NRXN1: variants seen among roughly 807,000 people sequenced by gnomAD.
NRXN1 encodes neurexin-1.
NRXN1 carries 39 observed loss-of-function variants against 150.9 expected under a neutral mutation model. The ratio of observed to expected loss-of-function variants is 0.26; its 90% CI spans 0.20 to 0.34. NRXN1 has a LOEUF of 0.34. NRXN1 is among the 10% of genes least tolerant of loss of function. The pLI, the probability that NRXN1 is intolerant of heterozygous loss-of-function variation, is 1.00. For synonymous variants in NRXN1, 924 were observed against 757.0 expected, an observed-to-expected ratio of 1.22 and a Z score of -3.62; for missense variants, 1,815 against 1,949.9, an observed-to-expected ratio of 0.93 and a Z score of 1.30.
intron 22 of NRXN1, among the ~76,000 whole-genome samples, chr2:49,926,924 C>A (rs548967633): frequency 6.6e-6 from 1 of 152,056 alleles, no homozygotes; most frequent in African/African-American, 2.4e-5. Flanking sequence ...CTTCTTGCAC[C>A]CTCTGTTGCT....
At position 49,920,110 on chromosome 2, in the gene NRXN1, T is replaced by C. The variant is rs1213678417; in HGVS notation, c.*1834A>G. ...TATTAGTAATTTATTGCTGTGAACA[T>C]CATTGAATAATATGCAAAACAAGTG... On this transcript the variant is annotated 3_prime_UTR_variant, in exon 23 of 23. Coordinates refer to ENST00000401669, the MANE Select transcript of NRXN1 (RefSeq NM_001330078.2). 6.6e-6 allele frequency: 1 copy of C among 152,190 alleles called. No individual in the cohort carries two copies. The highest frequency in any genetic ancestry group is 1.5e-5 in the Non-Finnish European group (1 of 68,024). 9.4% of individuals were successfully genotyped at this position (152,190 alleles called of 1,614,324 possible).
Position 50,208,897 on chromosome 2 carries a change from G to C in NRXN1, c.3546+27892C>G, listed in dbSNP as rs56107647. Among the ~76,000 whole-genome samples the C allele has an allele frequency of 5.6e-3, 855 of 152,214 alleles. 11 individuals carry two copies. Among genetic ancestry groups the C allele is most frequent in the African/African-American group, 0.02 (823 of 41,554 alleles). ...TTGTCTCTTTGAATAAGCTTTAATA[G>C]ATATTTCTCACACAAACTACATATA... On this transcript the variant is annotated intron_variant, in intron 18 of 22. Transcript: ENST00000401669.
chr2:50,368,519 T>C (rs189554469), intron 17 of NRXN1, among the ~76,000 whole-genome samples: 4 of 151,976 alleles, frequency 2.6e-5, no homozygotes, highest in African/African-American at 9.7e-5. Context: ...AGAGTAATAA[T>C]CATTTTTCTG....
chr2:50,177,810 T>TCC (rs2060448294), intron 18 of NRXN1, among the ~76,000 whole-genome samples: 1 of 139,658 alleles, frequency 7.2e-6, no homozygotes, highest in Non-Finnish European at 1.6e-5. Flanking sequence ...TCTCTCTCTC[T>TCC]CCTCCTCTCC....
intron 18 of NRXN1, among the ~76,000 whole-genome samples, chr2:50,129,216 T>C (rs1401191884): frequency 6.6e-6 from 1 of 152,000 alleles, no homozygotes; most frequent in Admixed American, 6.6e-5. Flanking sequence ...TTTTTTTAAG[T>C]ATAACTGATG....
intron 21 of NRXN1, among the ~76,000 whole-genome samples, chr2:49,971,475 A>ACTC (rs1351622657): frequency 6.6e-6 from 1 of 152,040 alleles, no homozygotes; most frequent in Non-Finnish European, 1.5e-5. Context: ...ACAGTTCAGG[A>ACTC]CTCTTGTAGT....
chr2:50,467,979 C>G (rs111475588), intron 16 of NRXN1, among the ~76,000 whole-genome samples: 1 of 151,354 alleles, frequency 6.6e-6, no homozygotes, highest in Non-Finnish European at 1.5e-5. Flanking sequence ...CATTAGAGAT[C>G]AAAAATAATT....
intron 5 of NRXN1, among the ~76,000 whole-genome samples, chr2:50,663,366 CT>C (rs1687583920): frequency 1.3e-5 from 2 of 151,942 alleles, no homozygotes; most frequent in Non-Finnish European, 1.5e-5. Flanking sequence ...CTCCTTTGTG[CT>C]TCTTAGACAT....
At chr2:50,463,559 T>A (rs930081252) in intron 17 of NRXN1, among the ~76,000 whole-genome samples, 1 of 151,882 alleles carries the variant, frequency 6.6e-6, no homozygotes, top group African/African-American at 2.4e-5. Flanking sequence ...AAATAACGAA[T>A]AGCCTTATCA....
intron 5 of NRXN1, among the ~76,000 whole-genome samples, chr2:50,718,858 C>T (rs528237314): frequency 6.6e-6 from 1 of 152,076 alleles, no homozygotes; most frequent in African/African-American, 2.4e-5. Flanking sequence ...CTCTCATCCT[C>T]CATCTCTTCT....
intron 5 of NRXN1, among the ~76,000 whole-genome samples, chr2:50,742,158 T>C (rs1030445655): frequency 5.9e-5 from 9 of 152,172 alleles, no homozygotes; most frequent in African/African-American, 9.6e-5. Flanking sequence ...GCTCAAGATA[T>C]AGTAAAATGA....
intron 5 of NRXN1, among the ~76,000 whole-genome samples, chr2:50,625,615 G>A (rs1226258699): frequency 6.6e-6 from 1 of 152,028 alleles, no homozygotes; most frequent in African/African-American, 2.4e-5. Flanking sequence ...ATGGCAAGTG[G>A]TTCAATATTG....
At position 51,026,297 on chromosome 2, in the gene NRXN1, C is replaced by T. The variant is rs371439014; in HGVS notation, c.772+1205G>A. On this transcript the variant is annotated intron_variant, in intron 2 of 22. Transcript: ENST00000401669. ...ATGTGTTGATTGCCTTGCTTTGACC[C>T]ATAAGCTATCTACTTTAAATCCTGA... The T allele has an allele frequency of 1.3e-5, 12 of 956,080 alleles. No homozygotes were observed. In the African/African-American group the frequency reaches 1.6e-4, roughly 13 times the overall value. 59.2% of individuals were successfully genotyped at this position (956,080 alleles called of 1,614,324 possible). A position where few individuals can be genotyped will look rare whatever the true frequency, so the allele number is the denominator to read the frequency against.
intron 2 of NRXN1, among the ~76,000 whole-genome samples, chr2:50,931,600 T>C (rs1399625365): frequency 6.6e-6 from 1 of 152,160 alleles, no homozygotes; most frequent in East Asian, 1.9e-4. Flanking sequence ...AACAAACAGC[T>C]TGGAAGGAAG....
At chr2:50,530,141 C>A (rs772681809) in intron 11 of NRXN1, among the ~76,000 whole-genome samples, 1 of 151,946 alleles carries the variant, frequency 6.6e-6, no homozygotes, top group Non-Finnish European at 1.5e-5. Flanking sequence ...TACAGTAAAA[C>A]CTCATTAATT....
intron 2 of NRXN1, among the ~76,000 whole-genome samples, chr2:50,984,348 C>T (rs1460460057): frequency 6.6e-6 from 1 of 151,572 alleles, no homozygotes; most frequent in Non-Finnish European, 1.5e-5. Flanking sequence ...AAAAAGGTTT[C>T]TCTTTTTAAT....
intron 17 of NRXN1, among the ~76,000 whole-genome samples, chr2:50,461,541 A>T (rs1348820112): frequency 6.6e-6 from 1 of 152,026 alleles, no homozygotes; most frequent in African/African-American, 2.4e-5. Flanking sequence ...GGAGAAAAGG[A>T]TTATTGTGTA....
chr2:50,300,610 T>A (rs939427), intron 17 of NRXN1, among the ~76,000 whole-genome samples: 1 of 151,676 alleles, frequency 6.6e-6, no homozygotes, highest in South Asian at 2.1e-4. Context: ...CTCTGGCCAA[T>A]AGGATGTGAG....
At chr2:50,438,019 A>T (rs2085598631) in intron 17 of NRXN1, among the ~76,000 whole-genome samples, 1 of 152,156 alleles carries the variant, frequency 6.6e-6, no homozygotes, top group African/African-American at 2.4e-5. Flanking sequence ...TCACTGTGGC[A>T]TGTTCTAAGT....
Sources: gnomAD v4.1 joint callset for allele counts (sites outside exome capture counted in the v4.1 genomes callset) on GRCh38, gnomAD v4.1.1 for gene constraint, MANE v1.5 for transcripts, NCBI Gene and HGNC (gene_info 2026-07-23, HGNC 2026-07-21) for gene names.